VPS8: variants seen among roughly 807,000 people sequenced by gnomAD.
VPS8 encodes the protein vacuolar protein sorting-associated protein 8 homolog.
A neutral mutation model predicts 216.4 loss-of-function variants in VPS8; 129 were observed. The observed-to-expected ratio is 0.60, with a 90% CI of 0.52 to 0.69. VPS8 has a LOEUF of 0.69. VPS8 is among the 30% of genes least tolerant of loss of function. The pLI is 0.00. For missense variants in VPS8, 1,531 were observed against 1,683.5 expected (o/e 0.91, Z 1.59); for synonymous variants, 571 against 565.4 (o/e 1.01, Z -0.14).
intron 19 of VPS8, 85 bp downstream of exon 19, chr3:184,869,121 T>C: frequency 1.6e-6 from 2 of 1,259,240 alleles, no homozygotes; most frequent in Non-Finnish European, 2.2e-6. Context: ...TAGGACACTT[T>C]TAGCTGAGTG....
intron 42 of VPS8, among the ~76,000 whole-genome samples, chr3:184,986,524 C>T (rs190318534): frequency 3.9e-5 from 6 of 152,198 alleles, no homozygotes; most frequent in African/African-American, 1.4e-4. Context: ...GATGGTATTC[C>T]CCGTGCTCCT....
chr3:185,035,980 T>C (rs1342189002), intron 46 of VPS8, among the ~76,000 whole-genome samples: 3 of 152,096 alleles, frequency 2.0e-5, no homozygotes, highest in African/African-American at 7.2e-5. Context: ...AGGCTGAGAA[T>C]GAAATCAAGA....
intron 8 of VPS8, among the ~76,000 whole-genome samples, chr3:184,845,616 A>C (rs892206298): frequency 2.0e-5 from 3 of 152,130 alleles, no homozygotes; most frequent in African/African-American, 7.2e-5. Flanking sequence ...TTAGCTGGGC[A>C]TGTTGATGCA....
intron 38 of VPS8, among the ~76,000 whole-genome samples, chr3:184,965,326 G>T (rs1311393584): frequency 6.6e-6 from 1 of 152,112 alleles, no homozygotes; most frequent in East Asian, 1.9e-4. Flanking sequence ...CTTTTAATCT[G>T]TAAATTACTC....
chr3:184,969,566 A>C (rs909878107), intron 39 of VPS8, among the ~76,000 whole-genome samples: 1 of 149,538 alleles, frequency 6.7e-6, no homozygotes, highest in Non-Finnish European at 1.5e-5. Flanking sequence ...GGTAGCTGGG[A>C]CTATAGGCAT....
rs1474124789 is a variant in VPS8 at position 185,000,884 on chromosome 3, C to T, written c.4002+1023C>T. Among the ~76,000 whole-genome samples the T allele has an allele frequency of 4.6e-5, 7 of 152,248 alleles. No homozygotes were observed. In the East Asian group the frequency reaches 1.2e-3, roughly 25 times the overall value. On this transcript the variant is annotated intron_variant, in intron 45 of 47. Transcript: ENST00000625842. ...CCTCCCAAAGTGCTGGGATTACAGGCGTGAGCCACCGCACCCGGCCTCTCT... is the reference window on the plus strand; with the variant it reads ...CCTCCCAAAGTGCTGGGATTACAGGTGTGAGCCACCGCACCCGGCCTCTCT...
intron 32 of VPS8, among the ~76,000 whole-genome samples, 200 bp downstream of exon 32, chr3:184,928,733 A>G (rs1303244791): frequency 2.0e-5 from 3 of 152,222 alleles, no homozygotes; most frequent in Non-Finnish European, 4.4e-5. Context: ...TTGATAGGGC[A>G]GATATGAAAC....
chr3:184,822,835 A>G (rs187547595), intron 1 of VPS8, among the ~76,000 whole-genome samples: 14 of 152,366 alleles, frequency 9.2e-5, no homozygotes, highest in Admixed American at 9.1e-4. Flanking sequence ...GATGTTGGAA[A>G]GATACTTTAA....
intron 45 of VPS8, among the ~76,000 whole-genome samples, chr3:185,000,455 T>A (rs1753246483): frequency 6.6e-6 from 1 of 152,156 alleles, no homozygotes; most frequent in South Asian, 2.1e-4. Flanking sequence ...GGACTGGGAC[T>A]TGATCATTGT....
intron 40 of VPS8, among the ~76,000 whole-genome samples, chr3:184,978,383 C>T (rs892537933): frequency 1.4e-4 from 21 of 151,820 alleles, no homozygotes; most frequent in African/African-American, 4.8e-4. Context: ...GTCCTCCCTC[C>T]CTCCCTCCTT....
chr3:184,824,342 A>G (rs2108504743), intron 1 of VPS8: 1 of 266,526 alleles, frequency 3.8e-6, no homozygotes, highest in East Asian at 6.9e-5. Flanking sequence ...CCTTGAGCCC[A>G]AGTTAGCTGT....
chr3:184,980,442 G>T (rs972774658), intron 40 of VPS8, among the ~76,000 whole-genome samples: 3 of 151,992 alleles, frequency 2.0e-5, no homozygotes, highest in African/African-American at 7.3e-5. Context: ...GAATGCCAAA[G>T]GTTTGGTGTC....
intron 3 of VPS8, 115 bp downstream of exon 3, chr3:184,826,346 G>GT (rs1464220356): frequency 1.0e-5 from 6 of 592,296 alleles, no homozygotes; most frequent in African/African-American, 1.9e-5. Context: ...GTAGCCACTA[G>GT]TCGTGTGTGT....
intron 3 of VPS8, among the ~76,000 whole-genome samples, chr3:184,830,212 A>G (rs1447806529): frequency 6.6e-6 from 1 of 151,998 alleles, no homozygotes; most frequent in Non-Finnish European, 1.5e-5. Context: ...ATGTACTAAA[A>G]AGAGTATTCT....
At chr3:184,892,288 C>T (rs1202341109) in intron 22 of VPS8, among the ~76,000 whole-genome samples, 1 of 151,856 alleles carries the variant, frequency 6.6e-6, no homozygotes, top group Non-Finnish European at 1.5e-5. Flanking sequence ...TCGATCTCGG[C>T]TCACTGCAAC....
At chr3:185,032,172 A>G (rs539213506) in intron 46 of VPS8, among the ~76,000 whole-genome samples, 1 of 151,704 alleles carries the variant, frequency 6.6e-6, no homozygotes, top group South Asian at 2.1e-4. Flanking sequence ...TTAAAAAAAA[A>G]ACAAACAAGT....
At chr3:185,018,593 G>A (rs759621779) in intron 45 of VPS8, among the ~76,000 whole-genome samples, 1 of 152,174 alleles carries the variant, frequency 6.6e-6, no homozygotes, top group Non-Finnish European at 1.5e-5. Flanking sequence ...AGACAAGCTC[G>A]AATAAGAGCG....
intron 36 of VPS8, among the ~76,000 whole-genome samples, chr3:184,953,844 G>T (rs574894180): frequency 8.6e-4 from 131 of 152,236 alleles, no homozygotes; most frequent in African/African-American, 3.1e-3. Flanking sequence ...AGGGAAAGGT[G>T]TGTGGCAGGC....
intron 39 of VPS8, among the ~76,000 whole-genome samples, chr3:184,968,353 A>C (rs116315033): frequency 0.011 from 1,722 of 152,288 alleles, 39 homozygotes; most frequent in African/African-American, 0.04. Flanking sequence ...ATGAATGTAC[A>C]GTGTCTCTTC....
Sources: gnomAD v4.1 joint callset for allele counts (sites outside exome capture counted in the v4.1 genomes callset) on GRCh38, gnomAD v4.1.1 for gene constraint, MANE v1.5 for transcripts, NCBI Gene and HGNC (gene_info 2026-07-23, HGNC 2026-07-21) for gene names.